The following EBF1 variants were observed in gnomAD, a reference collection of about 807,000 sequenced individuals.
EBF1 encodes EBF transcription factor 1.
In EBF1, 10 loss-of-function variants were observed where a neutral mutation model predicts 68.4. The observed-to-expected ratio is 0.15, with a 90% CI of 0.09 to 0.25. EBF1 has a LOEUF of 0.25. Ranked by LOEUF, EBF1 falls within the 10% of genes least tolerant of loss-of-function variation. The pLI is 1.00. For synonymous variants in EBF1, 298 were observed against 299.8 expected, an observed-to-expected ratio of 0.99 and a Z score of 0.06; for missense variants, 509 against 794.4, an observed-to-expected ratio of 0.64 and a Z score of 4.32.
At chr5:159,005,701 TATG>T (rs1763423895) in intron 6 of EBF1, among the ~76,000 whole-genome samples, 1 of 152,174 alleles carries the variant, frequency 6.6e-6, no homozygotes, top group African/African-American at 2.4e-5. Context: ...GACAAAAAAT[TATG>T]ATGATAGAAT....
chr5:159,094,183 A>AC (rs1318741966), intron 4 of EBF1, among the ~76,000 whole-genome samples: 3 of 147,228 alleles, frequency 2.0e-5, no homozygotes, highest in African/African-American at 7.5e-5. Flanking sequence ...AAAAAAAAAA[A>AC]AAAAAAAAAA....
chr5:158,782,195 G>C (rs1581834909), intron 9 of EBF1, among the ~76,000 whole-genome samples: 2 of 152,252 alleles, frequency 1.3e-5, no homozygotes, highest in South Asian at 4.1e-4. Flanking sequence ...CTGATCCTAA[G>C]GGTGAAAGTT....
intron 6 of EBF1, among the ~76,000 whole-genome samples, chr5:159,070,726 C>T (rs1005125525): frequency 1.3e-5 from 2 of 152,194 alleles, no homozygotes; most frequent in African/African-American, 2.4e-5. Flanking sequence ...TAAATCCTAA[C>T]GCAAGGATGG....
At chr5:158,814,100 C>T (rs1783218873) in intron 8 of EBF1, among the ~76,000 whole-genome samples, 1 of 152,206 alleles carries the variant, frequency 6.6e-6, no homozygotes, top group Non-Finnish European at 1.5e-5. Flanking sequence ...AATGCCAGCA[C>T]TTTGGGAGAC....
intron 11 of EBF1, among the ~76,000 whole-genome samples, chr5:158,718,684 A>T (rs1345082111): frequency 6.6e-6 from 1 of 152,176 alleles, no homozygotes; most frequent in Admixed American, 6.5e-5. Flanking sequence ...CTGAGCATGG[A>T]TTCAACCCCA....
At chr5:158,845,850 A>G (rs1032549974) in intron 6 of EBF1, among the ~76,000 whole-genome samples, 2 of 152,238 alleles carry the variant, frequency 1.3e-5, no homozygotes, top group Non-Finnish European at 2.9e-5. Context: ...TGAAGGGCAC[A>G]CACAGTAAAA....
intron 6 of EBF1, among the ~76,000 whole-genome samples, chr5:158,858,784 G>T (rs1042680652): frequency 6.6e-6 from 1 of 152,200 alleles, no homozygotes; most frequent in Admixed American, 6.5e-5. Flanking sequence ...GAAGATGGGG[G>T]CTCAGAGGAA....
At chr5:158,716,745 C>T (rs1760796376) in intron 11 of EBF1, among the ~76,000 whole-genome samples, 1 of 152,196 alleles carries the variant, frequency 6.6e-6, no homozygotes, top group African/African-American at 2.4e-5. Context: ...TGTCATTACG[C>T]TCCCAGTGAA....
At chr5:158,839,060 C>T (rs1040463088) in intron 7 of EBF1, among the ~76,000 whole-genome samples, 26 of 152,202 alleles carry the variant, frequency 1.7e-4, no homozygotes, top group Non-Finnish European at 7.3e-5. Context: ...ACTTTTAAGT[C>T]AGAGAAGCAC....
intron 6 of EBF1, among the ~76,000 whole-genome samples, chr5:158,944,051 T>C (rs983801545): frequency 2.6e-5 from 4 of 152,290 alleles, no homozygotes; most frequent in Middle Eastern, 3.4e-3. Flanking sequence ...CAAAACTTAT[T>C]TGAAATTCAT....
intron 6 of EBF1, among the ~76,000 whole-genome samples, chr5:159,003,961 C>T (rs946729430): frequency 2.0e-5 from 3 of 152,132 alleles, no homozygotes; most frequent in African/African-American, 7.2e-5. Flanking sequence ...AGGAAAATGG[C>T]AATCATCATT....
chr5:158,910,786 G>A (rs1007186097), intron 6 of EBF1, among the ~76,000 whole-genome samples: 2 of 152,186 alleles, frequency 1.3e-5, no homozygotes, highest in Non-Finnish European at 2.9e-5. Flanking sequence ...ATCTTGGAAA[G>A]TATTAGGACA....
chr5:158,878,960 A>C (rs954306337), intron 6 of EBF1, among the ~76,000 whole-genome samples: 1 of 152,060 alleles, frequency 6.6e-6, no homozygotes, highest in African/African-American at 2.4e-5. Flanking sequence ...GCCAGCCTAA[A>C]TTTGTTTACA....
intron 4 of EBF1, among the ~76,000 whole-genome samples, chr5:159,090,421 AT>A (rs1781428833): frequency 6.6e-6 from 1 of 152,182 alleles, no homozygotes; most frequent in African/African-American, 2.4e-5. Context: ...AAATAAAAAA[AT>A]AATTTTGCTT....
chr5:159,029,177 CATAAG>C (rs1768280567), intron 6 of EBF1, among the ~76,000 whole-genome samples: 1 of 152,070 alleles, frequency 6.6e-6, no homozygotes, highest in Non-Finnish European at 1.5e-5. Flanking sequence ...CAACCATACT[CATAAG>C]AGAAATACTC....
chr5:158,794,390 C>T (rs1779246962), intron 9 of EBF1, among the ~76,000 whole-genome samples: 1 of 152,150 alleles, frequency 6.6e-6, no homozygotes, highest in Non-Finnish European at 1.5e-5. Flanking sequence ...TACATGCTAA[C>T]CTCCCTTTGC....
intron 6 of EBF1, among the ~76,000 whole-genome samples, chr5:158,963,911 C>T (rs1042543759): frequency 6.6e-6 from 1 of 152,122 alleles, no homozygotes; most frequent in Non-Finnish European, 1.5e-5. Context: ...CAATAATATC[C>T]TGCACCCTGC....
chr5:159,039,854 T>C (rs6890507), intron 6 of EBF1, among the ~76,000 whole-genome samples: 3,753 of 152,336 alleles, frequency 0.025, 146 homozygotes, highest in African/African-American at 0.085. Flanking sequence ...TTTCTAATAA[T>C]GAGGTCCCCA....
At chr5:158,774,299 C>T (rs891369615) in intron 10 of EBF1, among the ~76,000 whole-genome samples, 1 of 152,066 alleles carries the variant, frequency 6.6e-6, no homozygotes, top group Non-Finnish European at 1.5e-5. Flanking sequence ...CTTCCCTCCC[C>T]AAAAGGTCTG....
Sources: allele counts gnomAD v4.1 joint callset (sites outside exome capture counted in the v4.1 genomes callset), GRCh38; gene constraint gnomAD v4.1.1; transcripts MANE v1.5; gene names NCBI Gene and HGNC (gene_info 2026-07-23, HGNC 2026-07-21).